The following KCNH5 variants were observed in gnomAD, a reference collection of about 807,000 sequenced individuals.
The protein encoded by KCNH5 is potassium voltage-gated channel subfamily H member 5.
KCNH5 carries 46 observed loss-of-function variants against 96.1 expected under a neutral mutation model. That is an observed-to-expected ratio of 0.48 (90% confidence interval 0.38 to 0.61). KCNH5 has a LOEUF of 0.61. KCNH5 is among the 20% of genes least tolerant of loss of function. The pLI is 0.00. For synonymous variants in KCNH5, 439 were observed against 449.8 expected (o/e 0.98, Z 0.30); for missense variants, 907 against 1,225.8 (o/e 0.74, Z 3.88).
chr14:62,971,783 G>T (rs1420533218), intron 6 of KCNH5, among the ~76,000 whole-genome samples: 1 of 151,584 alleles, frequency 6.6e-6, no homozygotes, highest in African/African-American at 2.4e-5. Context: ...AAATAGTGAT[G>T]AAACAACTGG....
intron 4 of KCNH5, among the ~76,000 whole-genome samples, chr14:62,990,895 G>A (rs750694114): frequency 3.3e-5 from 5 of 151,982 alleles, no homozygotes; most frequent in Admixed American, 6.6e-5. Flanking sequence ...GAGAAGTGCC[G>A]AGCCAAGAGG....
At chr14:63,022,349 A>G (rs768823053) in intron 1 of KCNH5, among the ~76,000 whole-genome samples, 7 of 151,988 alleles carry the variant, frequency 4.6e-5, no homozygotes, top group Non-Finnish European at 8.8e-5. Flanking sequence ...GCCCTCTATC[A>G]TCTCTCCCCT....
chr14:62,718,601 A>G (rs1019546650), intron 10 of KCNH5, among the ~76,000 whole-genome samples: 3 of 152,182 alleles, frequency 2.0e-5, no homozygotes, highest in African/African-American at 7.2e-5. Context: ...ACCCTCACAC[A>G]TTGCTGGAAG....
At chr14:62,996,035 T>C (rs756693314) in intron 4 of KCNH5, among the ~76,000 whole-genome samples, 1 of 152,178 alleles carries the variant, frequency 6.6e-6, no homozygotes, top group South Asian at 2.1e-4. Flanking sequence ...AGTTCAATGA[T>C]CTACACCCAA....
chr14:62,945,914 C>T (rs1355815348), intron 7 of KCNH5, among the ~76,000 whole-genome samples: 1 of 151,878 alleles, frequency 6.6e-6, no homozygotes, highest in African/African-American at 2.4e-5. Flanking sequence ...GTAGGCAGGG[C>T]CATATCAGGA....
At chr14:62,815,530 A>C (rs931243428) in intron 8 of KCNH5, among the ~76,000 whole-genome samples, 1 of 152,164 alleles carries the variant, frequency 6.6e-6, no homozygotes, top group Non-Finnish European at 1.5e-5. Flanking sequence ...AACTGTATGA[A>C]GTAATACAGG....
chr14:62,815,157 T>C (rs969424863), intron 8 of KCNH5, among the ~76,000 whole-genome samples: 1 of 152,190 alleles, frequency 6.6e-6, no homozygotes, highest in Non-Finnish European at 1.5e-5. Context: ...CTCAACAACA[T>C]AATGTTGACT....
chr14:63,005,853 T>C (rs1328110138), intron 3 of KCNH5, among the ~76,000 whole-genome samples: 1 of 152,216 alleles, frequency 6.6e-6, no homozygotes, highest in African/African-American at 2.4e-5. Flanking sequence ...GTGAATGACT[T>C]GTTCTGAGAA....
At chr14:62,815,012 C>A (rs986466898) in intron 8 of KCNH5, among the ~76,000 whole-genome samples, 1 of 151,950 alleles carries the variant, frequency 6.6e-6, no homozygotes, top group African/African-American at 2.4e-5. Flanking sequence ...TAGCTCCAAA[C>A]TGAAAATTAC....
chr14:62,777,997 G>T (rs1460254514), intron 10 of KCNH5, among the ~76,000 whole-genome samples: 4 of 152,094 alleles, frequency 2.6e-5, no homozygotes, highest in Non-Finnish European at 4.4e-5. Context: ...CTGGGCCTGA[G>T]TATTCTCATG....
chr14:62,709,194 C>T (rs1011091866), intron 10 of KCNH5, among the ~76,000 whole-genome samples: 8 of 138,538 alleles, frequency 5.8e-5, no homozygotes, highest in African/African-American at 2.2e-4. Context: ...GATCGCGCCA[C>T]AGCACTCCCG....
chr14:62,739,085 A>G (rs1021975786), intron 10 of KCNH5, among the ~76,000 whole-genome samples: 4 of 152,134 alleles, frequency 2.6e-5, no homozygotes, highest in African/African-American at 9.7e-5. Context: ...CTATAATTAG[A>G]TTTTAAGGTA....
chr14:63,027,909 T>G (rs1891555339), intron 1 of KCNH5, among the ~76,000 whole-genome samples: 1 of 152,108 alleles, frequency 6.6e-6, no homozygotes, highest in Non-Finnish European at 1.5e-5. Flanking sequence ...TGTGCAGACA[T>G]GTATATACAC....
rs568960391 is a variant in KCNH5, at chr14:62,704,930, T to C, written c.*2578A>G. 5 of 152,098 alleles carry C rather than the reference T, an allele frequency of 3.3e-5. No individual in the cohort carries two copies. In the South Asian group the frequency reaches 1.0e-3, roughly 32 times the overall value. 9.4% of individuals were successfully genotyped at this position (152,098 alleles called of 1,614,324 possible). On this transcript the variant is annotated 3_prime_UTR_variant, in exon 11 of 11. Transcript: ENST00000322893. Reference sequence around the variant, plus strand: ...AATCTGGGAACCTAAAAGACTACTCTATATACAATGTTTGCTGAAAACATG... The same window carrying C: ...AATCTGGGAACCTAAAAGACTACTCCATATACAATGTTTGCTGAAAACATG...
At chr14:62,760,214 A>G (rs1347982304) in intron 10 of KCNH5, among the ~76,000 whole-genome samples, 1 of 152,172 alleles carries the variant, frequency 6.6e-6, no homozygotes, top group Non-Finnish European at 1.5e-5. Context: ...AATTCTGAGC[A>G]CTAGGAAACA....
intron 9 of KCNH5, among the ~76,000 whole-genome samples, chr14:62,800,025 G>C (rs529082147): frequency 3.0e-4 from 45 of 151,188 alleles, no homozygotes; most frequent in African/African-American, 1.1e-3. Context: ...AGGAAAACAG[G>C]TGCTGGTAAG....
intron 7 of KCNH5, among the ~76,000 whole-genome samples, chr14:62,910,899 C>CCA (rs1555363113): frequency 0.045 from 6,363 of 140,274 alleles, 212 homozygotes; most frequent in African/African-American, 0.1. Flanking sequence ...TGTGCATACA[C>CCA]CACACACACA....
At chr14:62,927,098 C>T (rs557434141) in intron 7 of KCNH5, among the ~76,000 whole-genome samples, 1 of 151,966 alleles carries the variant, frequency 6.6e-6, no homozygotes, top group African/African-American at 2.4e-5. Context: ...TTGAATAGAC[C>T]CTTCTTCAAA....
intron 8 of KCNH5, among the ~76,000 whole-genome samples, chr14:62,847,125 T>C (rs1216778634): frequency 2.0e-5 from 3 of 147,398 alleles, no homozygotes; most frequent in Non-Finnish European, 4.5e-5. Flanking sequence ...ATTATTGTAT[T>C]TTAAAATTAA....
Sources: gnomAD v4.1 joint callset for allele counts (sites outside exome capture counted in the v4.1 genomes callset) on GRCh38, gnomAD v4.1.1 for gene constraint, MANE v1.5 for transcripts, NCBI Gene and HGNC (gene_info 2026-07-23, HGNC 2026-07-21) for gene names.